HS6ST2: variants seen among roughly 807,000 people sequenced by gnomAD.
The protein encoded by HS6ST2 is heparan sulfate 6-O-sulfotransferase 2.
In HS6ST2, 17 loss-of-function variants were observed where a neutral mutation model predicts 33.0. The observed-to-expected ratio is 0.52, with a 90% CI of 0.35 to 0.77. The LOEUF (loss-of-function observed/expected upper bound fraction) is 0.77, where lower values mean the gene tolerates loss of function less well. Among genes scored for constraint, HS6ST2 ranks in the 30% least tolerant of loss-of-function variants. The pLI is 0.01. For synonymous variants in HS6ST2, 248 were observed against 237.1 expected (o/e 1.05, Z -0.42); for missense variants, 519 against 551.7 (o/e 0.94, Z 0.59).
chrX:132,959,075 C>A (rs1466271462), upstream of HS6ST2, among the ~76,000 whole-genome samples: 1 of 111,445 alleles, frequency 9.0e-6, no homozygotes, highest in Non-Finnish European at 1.9e-5. Flanking sequence ...ACCGTCTAAT[C>A]CAAGGTAATG....
chrX:132,799,807 C>G (rs2065218507), intron 2 of HS6ST2, among the ~76,000 whole-genome samples: 1 of 111,830 alleles, frequency 8.9e-6, no homozygotes, highest in Admixed American at 9.6e-5. Flanking sequence ...ATATAATTAT[C>G]AACCACATAG....
At chrX:132,848,305 A>G (rs1419238775) in intron 2 of HS6ST2, among the ~76,000 whole-genome samples, 1 of 112,525 alleles carries the variant, frequency 8.9e-6, no homozygotes, top group African/African-American at 3.2e-5. Flanking sequence ...CACTGTCTCC[A>G]TGCTCAGAGA....
At chrX:132,734,015 C>T (rs780827818) in intron 2 of HS6ST2, among the ~76,000 whole-genome samples, 4 of 101,217 alleles carry the variant, frequency 4.0e-5, no homozygotes, top group Admixed American at 2.3e-4. Context: ...GTCTAGGAAT[C>T]TTAGACTTGA....
intron 2 of HS6ST2, among the ~76,000 whole-genome samples, chrX:132,951,395 A>G (rs2067014799): frequency 9.1e-6 from 1 of 110,002 alleles, no homozygotes; most frequent in Non-Finnish European, 1.9e-5. Context: ...GGTCATGAGG[A>G]CTCCGTGCCC....
chrX:132,662,686 G>A (rs192075268), intron 4 of HS6ST2, among the ~76,000 whole-genome samples: 56 of 112,330 alleles, frequency 5.0e-4, no homozygotes, highest in African/African-American at 2.3e-4. Flanking sequence ...ATTATGTCAC[G>A]AAGTGTACTG....
At chrX:132,750,750 T>C (rs571657884) in intron 2 of HS6ST2, among the ~76,000 whole-genome samples, 1 of 112,537 alleles carries the variant, frequency 8.9e-6, no homozygotes, top group South Asian at 3.7e-4. Context: ...ACCTCTAACC[T>C]GTAGCTGGGA....
chrX:132,714,693 C>A (rs768555152), intron 2 of HS6ST2, among the ~76,000 whole-genome samples: 5 of 111,165 alleles, frequency 4.5e-5, no homozygotes, highest in African/African-American at 1.6e-4. Flanking sequence ...TGGGTTCTTA[C>A]AAGCAGAGAC....
chrX:132,902,876 C>T (rs1167397806), intron 2 of HS6ST2, among the ~76,000 whole-genome samples: 1 of 111,549 alleles, frequency 9.0e-6, no homozygotes, highest in Non-Finnish European at 1.9e-5. Flanking sequence ...TGATACTTTC[C>T]CCTTGAGATC....
chrX:132,677,020 C>T (rs1314906443), intron 3 of HS6ST2, among the ~76,000 whole-genome samples: 2 of 112,185 alleles, frequency 1.8e-5, no homozygotes, highest in East Asian at 5.6e-4. Context: ...AGCTCCATAG[C>T]AGGTGAGACA....
intron 2 of HS6ST2, among the ~76,000 whole-genome samples, chrX:132,849,484 G>T (rs1267542654): frequency 8.9e-6 from 1 of 111,857 alleles, no homozygotes; most frequent in East Asian, 2.8e-4. Flanking sequence ...CATTCTGACT[G>T]CTGGGAAACA....
At chrX:132,681,303 A>C (rs201208992) in intron 3 of HS6ST2, among the ~76,000 whole-genome samples, 1 of 112,451 alleles carries the variant, frequency 8.9e-6, no homozygotes, top group East Asian at 2.8e-4. Context: ...CTGTTTTAGT[A>C]CCTCAACTAG....
chrX:132,755,504 GTT>G (rs33998942), intron 2 of HS6ST2, among the ~76,000 whole-genome samples: 51 of 104,443 alleles, frequency 4.9e-4, no homozygotes, highest in South Asian at 1.3e-3. Flanking sequence ...TAAGGCAATG[GTT>G]TTTTTTTTTT....
chrX:132,787,933 G>A (rs1385729568), intron 2 of HS6ST2, among the ~76,000 whole-genome samples: 1 of 110,707 alleles, frequency 9.0e-6, no homozygotes, highest in African/African-American at 3.3e-5. Flanking sequence ...GATGACATGT[G>A]TTTATCTATC....
intron 2 of HS6ST2, among the ~76,000 whole-genome samples, chrX:132,875,619 A>G (rs2066102666): frequency 8.9e-6 from 1 of 112,367 alleles, no homozygotes; most frequent in African/African-American, 3.2e-5. Context: ...TACAATTGGC[A>G]CAGATCTTTC....
At chrX:132,857,567 T>C (rs1001199976) in intron 2 of HS6ST2, among the ~76,000 whole-genome samples, 3 of 111,088 alleles carry the variant, frequency 2.7e-5, no homozygotes, top group African/African-American at 3.3e-5. Flanking sequence ...CAAAAATAGA[T>C]AACCAAGAAA....
chrX:132,673,509 C>G (rs1437338883), intron 3 of HS6ST2, among the ~76,000 whole-genome samples: 1 of 112,561 alleles, frequency 8.9e-6, no homozygotes, highest in Non-Finnish European at 1.9e-5. Flanking sequence ...TGCAGAGTGC[C>G]TCTGAAATAA....
At chrX:132,893,832 T>C (rs953522559) in intron 2 of HS6ST2, among the ~76,000 whole-genome samples, 3 of 111,335 alleles carry the variant, frequency 2.7e-5, no homozygotes, top group African/African-American at 9.8e-5. Flanking sequence ...CAATACACAA[T>C]CCTGAGCCTA....
intron 2 of HS6ST2, among the ~76,000 whole-genome samples, chrX:132,709,276 T>C (rs2148250359): frequency 8.9e-6 from 1 of 112,588 alleles, no homozygotes; most frequent in East Asian, 2.8e-4. Flanking sequence ...TGTTTTTTAT[T>C]ATGCCAGAAC....
intron 4 of HS6ST2, among the ~76,000 whole-genome samples, chrX:132,631,733 A>G (rs930783620): frequency 2.7e-5 from 3 of 111,789 alleles, no homozygotes; most frequent in Non-Finnish European, 3.8e-5. Context: ...AGTCACCTTC[A>G]TGCTTAGCTG....
Sources: gnomAD v4.1 joint callset for allele counts (sites outside exome capture counted in the v4.1 genomes callset) on GRCh38, gnomAD v4.1.1 for gene constraint, MANE v1.5 for transcripts, NCBI Gene and HGNC (gene_info 2026-07-23, HGNC 2026-07-21) for gene names.